Variants in TSHZ2 observed in about 807,000 individuals in gnomAD.
TSHZ2 encodes teashirt zinc finger homeobox 2.
TSHZ2 carries 21 observed loss-of-function variants against 74.4 expected under a neutral mutation model. That is an observed-to-expected ratio of 0.28 (90% CI 0.20 to 0.41). TSHZ2 has a LOEUF of 0.41. Ranked by LOEUF, TSHZ2 falls within the 10% of genes least tolerant of loss-of-function variation. TSHZ2 has a pLI of 1.00. For synonymous variants in TSHZ2, 540 were observed against 515.3 expected, an observed-to-expected ratio of 1.05 and a Z score of -0.65; for missense variants, 1,244 against 1,293.5, an observed-to-expected ratio of 0.96 and a Z score of 0.59.
At position 53,367,267 on chromosome 20, in the gene TSHZ2, G is replaced by C. The variant is rs191694899; in HGVS notation, c.*8+110696G>C. Among the ~76,000 whole-genome samples, 294 of 151,656 alleles carry C rather than the reference G, an allele frequency of 1.9e-3. 2 individuals carry two copies. The highest frequency in any genetic ancestry group is 6.8e-3 in the African/African-American group (282 of 41,402). Reference sequence around the variant, plus strand: ...AAAAATACAAAAATTAGCCAGGCATGGTGGCTCGTGCCTGTAATCTCAGCT... The same window carrying C: ...AAAAATACAAAAATTAGCCAGGCATCGTGGCTCGTGCCTGTAATCTCAGCT... On this transcript the variant is annotated intron_variant, in intron 2 of 2. Coordinates refer to ENST00000371497, the MANE Select transcript of TSHZ2 (RefSeq NM_173485.6).
intron 1 of TSHZ2, among the ~76,000 whole-genome samples, chr20:53,048,002 C>A (rs549226856): frequency 1.6e-4 from 24 of 152,286 alleles, no homozygotes; most frequent in African/African-American, 5.8e-4. Context: ...TAAACAGGTT[C>A]GTAAGTGGCT....
At position 53,222,010 on chromosome 20, in the gene TSHZ2, G is replaced by T. The variant is rs1989571362; in HGVS notation, c.41-31489G>T. 3.3e-5 allele frequency among the ~76,000 whole-genome samples: 5 copies of T among 152,156 alleles called. No homozygotes were observed. The South Asian group carries it at 1.0e-3, about 32-fold the overall frequency. On this transcript the variant is annotated intron_variant, in intron 1 of 2. Coordinates refer to ENST00000371497, the MANE Select transcript of TSHZ2 (RefSeq NM_173485.6). ...GACCAGGGTAATGACTTTCATACTG[G>T]CATTGTATTTTAAGGGATACATGTC...
Position 53,469,923 on chromosome 20 carries a change from C to A in TSHZ2, c.*9-17221C>A, listed in dbSNP as rs111877750. On this transcript the variant is annotated intron_variant, in intron 2 of 2. Transcript: ENST00000371497. The stretch of plus-strand genomic sequence containing the variant: ...GGAGGAAGGAAGGAAGGAAGGAAGG[C>A]AGGCAGGCAGGCAGGCAGGCAGACA... Among the ~76,000 whole-genome samples the A allele has an allele frequency of 2.8e-4, 39 of 139,878 alleles. 2 individuals carry two copies. Among genetic ancestry groups the A allele is most frequent in the East Asian group, 7.9e-4 (4 of 5,048 alleles). 91.8% of individuals were successfully genotyped at this position (139,878 alleles called of 152,430 possible).
chr20:53,340,441 C>T (rs1980151179), intron 2 of TSHZ2, among the ~76,000 whole-genome samples: 1 of 152,104 alleles, frequency 6.6e-6, no homozygotes, highest in South Asian at 2.1e-4. Context: ...GCCTTGGCCT[C>T]CCAAAGTGCT....
chr20:53,307,932 A>C (rs912637269), intron 2 of TSHZ2, among the ~76,000 whole-genome samples: 3 of 152,184 alleles, frequency 2.0e-5, no homozygotes, highest in African/African-American at 4.8e-5. Context: ...GTAGCCAGAG[A>C]GGATGCATTT....
At chr20:53,319,256 C>G (rs1056619940) in intron 2 of TSHZ2, among the ~76,000 whole-genome samples, 4 of 152,200 alleles carry the variant, frequency 2.6e-5, no homozygotes, top group African/African-American at 7.2e-5. Context: ...AAGTGCTGCT[C>G]TTGTAGAATT....
chr20:53,253,593 C>T lies in TSHZ2; in HGVS notation c.135C>T (p.Gly45=). The change falls in exon 2 of 3, where the codon GGC becomes GGT. Residue 45 remains glycine, a synonymous_variant. Transcript: ENST00000371497. ...DSGSVAQLQG[G]NDTGTDEELE... ...GTTCAGTAGCTCAACTGCAGGGTGG[C>T]AATGACACAGGGACGGACGAGGAGC... The T allele has an allele frequency of 6.2e-7, 1 of 1,614,068 alleles. No homozygotes were observed. The highest frequency in any genetic ancestry group is 8.5e-7 in the Non-Finnish European group (1 of 1,180,008).
At chr20:53,266,133 A>G (rs1990711803) in intron 2 of TSHZ2, among the ~76,000 whole-genome samples, 2 of 152,156 alleles carry the variant, frequency 1.3e-5, no homozygotes, top group Non-Finnish European at 2.9e-5. Flanking sequence ...AACACCAAGG[A>G]GAAACATCTA....
intron 2 of TSHZ2, among the ~76,000 whole-genome samples, chr20:53,267,651 G>A (rs919399066): frequency 1.3e-5 from 2 of 152,166 alleles, no homozygotes; most frequent in African/African-American, 4.8e-5. Flanking sequence ...ACAAAGGGCT[G>A]TTTAAAGATG....
intron 2 of TSHZ2, among the ~76,000 whole-genome samples, chr20:53,472,504 G>A (rs1266231618): frequency 6.6e-6 from 1 of 152,100 alleles, no homozygotes; most frequent in Non-Finnish European, 1.5e-5. Context: ...AGGTTTTATT[G>A]AAGTAGTTGT....
intron 2 of TSHZ2, among the ~76,000 whole-genome samples, chr20:53,472,640 G>C (rs867979481): frequency 1.4e-5 from 2 of 147,698 alleles, no homozygotes; most frequent in African/African-American, 5.4e-5. Context: ...GAGCTCCTCA[G>C]GGGGGAGGGA....
intron 1 of TSHZ2, among the ~76,000 whole-genome samples, chr20:53,006,028 C>T (rs145478784): frequency 2.6e-5 from 4 of 152,276 alleles, no homozygotes; most frequent in East Asian, 1.9e-4. Context: ...GACACACACA[C>T]GTACATGTGT....
intron 1 of TSHZ2, among the ~76,000 whole-genome samples, chr20:53,204,224 C>A (rs1401056226): frequency 7.0e-6 from 1 of 143,192 alleles, no homozygotes; most frequent in East Asian, 2.1e-4. Flanking sequence ...ACTATATCAT[C>A]ATATGATGAT....
At chr20:53,017,728 C>T (rs1009610473) in intron 1 of TSHZ2, among the ~76,000 whole-genome samples, 1 of 152,136 alleles carries the variant, frequency 6.6e-6, no homozygotes, top group Non-Finnish European at 1.5e-5. Context: ...TTGACATCAC[C>T]CGCTTTGGGA....
chr20:53,331,562 A>G (rs1184515263), intron 2 of TSHZ2, among the ~76,000 whole-genome samples: 1 of 152,138 alleles, frequency 6.6e-6, no homozygotes, highest in Non-Finnish European at 1.5e-5. Flanking sequence ...TGAGGAGCAC[A>G]AAAGAGCCAG....
intron 1 of TSHZ2, among the ~76,000 whole-genome samples, chr20:53,227,903 A>T: frequency 6.7e-6 from 1 of 149,608 alleles, no homozygotes; most frequent in Admixed American, 6.7e-5. Context: ...CCTTTTTCTT[A>T]TTTTTAACGA....
intron 1 of TSHZ2, among the ~76,000 whole-genome samples, chr20:53,161,996 A>G (rs1987952064): frequency 6.6e-6 from 1 of 152,156 alleles, no homozygotes; most frequent in South Asian, 2.1e-4. Flanking sequence ...AGGAAAAGCA[A>G]CTTGTTTGGA....
chr20:53,200,795 A>G (rs1665084836), intron 1 of TSHZ2, among the ~76,000 whole-genome samples: 1 of 152,216 alleles, frequency 6.6e-6, no homozygotes, highest in South Asian at 2.1e-4. Flanking sequence ...ACAAACAAGG[A>G]GAATAGTTCT....
chr20:53,000,658 G>A (rs1448947099), intron 1 of TSHZ2, among the ~76,000 whole-genome samples: 3 of 152,182 alleles, frequency 2.0e-5, no homozygotes, highest in Admixed American at 6.5e-5. Context: ...TATAGGATCA[G>A]AAAGTGGGAT....
Sources: allele counts gnomAD v4.1 joint callset (sites outside exome capture counted in the v4.1 genomes callset), GRCh38; gene constraint gnomAD v4.1.1; transcripts MANE v1.5; gene names NCBI Gene and HGNC (gene_info 2026-07-23, HGNC 2026-07-21).